Variants in XIRP2 observed in about 807,000 individuals in gnomAD.
XIRP2 encodes xin actin binding repeat containing 2.
Under a neutral mutation model 277.0 loss-of-function variants are expected in XIRP2, and 236 were observed. The observed-to-expected ratio is 0.85, with a 90% CI of 0.77 to 0.95. XIRP2 has a LOEUF of 0.95. Ranked by LOEUF, XIRP2 falls within the 40% of genes least tolerant of loss-of-function variation. The pLI, the probability that XIRP2 is intolerant of heterozygous loss-of-function variation, is 0.00. For missense variants in XIRP2, 4,640 were observed against 4,157.5 expected (o/e 1.12, Z -3.19); for synonymous variants, 1,490 against 1,416.5 (o/e 1.05, Z -1.17).
chr2:167,086,730 C>G (rs566382346), intron 2 of XIRP2, among the ~76,000 whole-genome samples: 500 of 151,442 alleles, frequency 3.3e-3, no homozygotes, highest in African/African-American at 0.011. Context: ...CCCAGTTGAT[C>G]GCATCAGCTC....
chr2:167,087,122 G>A (rs912962869), intron 2 of XIRP2, among the ~76,000 whole-genome samples: 1 of 152,018 alleles, frequency 6.6e-6, no homozygotes, highest in African/African-American at 2.4e-5. Flanking sequence ...TGGGTTTTTG[G>A]TGTGGATGTC....
chr2:167,158,796 G>T (rs1467835367), intron 3 of XIRP2, among the ~76,000 whole-genome samples: 1 of 152,158 alleles, frequency 6.6e-6, no homozygotes, highest in Non-Finnish European at 1.5e-5. Flanking sequence ...TTATCAGTAA[G>T]ATTCCAATCT....
chr2:167,233,425 G>A (rs1050141261), intron 5 of XIRP2, among the ~76,000 whole-genome samples: 4 of 151,906 alleles, frequency 2.6e-5, no homozygotes, highest in Non-Finnish European at 5.9e-5. Flanking sequence ...TTGATACAAA[G>A]CAGGTTAAGG....
chr2:167,143,416 A>G (rs16853035), intron 3 of XIRP2, among the ~76,000 whole-genome samples: 15,632 of 152,176 alleles, frequency 0.1, 883 homozygotes, highest in South Asian at 0.15. Flanking sequence ...GAAAGAACGC[A>G]TGTGTGAGAA....
At chr2:167,144,751 A>G (rs1464203021) in intron 3 of XIRP2, among the ~76,000 whole-genome samples, 1 of 152,116 alleles carries the variant, frequency 6.6e-6, no homozygotes, top group Non-Finnish European at 1.5e-5. Context: ...CATCCCTAAT[A>G]ATGACATATT....
At position 167,248,227 on chromosome 2, in the gene XIRP2, G is replaced by A; in HGVS notation, c.6835G>A (p.Glu2279Lys). ...CTTGAATCCAATCAACTTTAACCCT[G>A]AGAATAATGTAAAAGAAAGTGAGTG... The part of the protein sequence containing the change: ...RSLNPINFNP[E>K]NNVKESECPL... The change falls in exon 9 of 11, where the codon GAG becomes AAG. Residue 2279 changes from glutamate to lysine, a missense_variant. Physicochemically the swap from Glu to Lys is moderately conservative, Grantham distance 56. Coordinates refer to ENST00000409195, the MANE Select transcript of XIRP2 (RefSeq NM_152381.6). 2.5e-6 allele frequency: 4 copies of A among 1,613,620 alleles called. No individual in the cohort carries two copies. The highest frequency in any genetic ancestry group is 3.4e-6 in the Non-Finnish European group (4 of 1,179,732).
At chr2:166,996,349 G>T (rs1050812775) in intron 2 of XIRP2, among the ~76,000 whole-genome samples, 1 of 152,226 alleles carries the variant, frequency 6.6e-6, no homozygotes, top group African/African-American at 2.4e-5. Flanking sequence ...TGTCTAGTTG[G>T]GCTGGGCACA....
Position 167,244,134 on chromosome 2 carries a change from G to T in XIRP2, c.2742G>T (p.Trp914Cys). 6.2e-7 allele frequency: 1 copy of T among 1,613,962 alleles called. No individual in the cohort carries two copies. The highest frequency in any genetic ancestry group is 8.5e-7 in the Non-Finnish European group (1 of 1,179,910). ...AAGGGGATGTTAGGCATCAAAAATG[G>T]ATTTTTGAAACCCAACCTCTGGAAG... ...EEKGDVRHQK[W>C]IFETQPLEDI... The change falls in exon 9 of 11, where the codon TGG (tryptophan) becomes TGT (cysteine). Residue 914 changes from tryptophan to cysteine, a missense_variant. Physicochemically the swap from Trp to Cys is radical, Grantham distance 215. Transcript: ENST00000409195.
chr2:166,907,802 C>A (rs1389079056), intron 2 of XIRP2, among the ~76,000 whole-genome samples: 1 of 122,852 alleles, frequency 8.1e-6, no homozygotes, highest in Non-Finnish European at 1.6e-5. Context: ...GTGTGATGTT[C>A]CCCTTCCTGT....
chr2:167,217,905 A>G (rs1694304298), intron 4 of XIRP2, among the ~76,000 whole-genome samples: 1 of 152,164 alleles, frequency 6.6e-6, no homozygotes, highest in Non-Finnish European at 1.5e-5. Flanking sequence ...AGACATCAAA[A>G]TTTATCTGAG....
rs989849640 is a variant in XIRP2 at position 167,245,404 on chromosome 2, A to T, written c.4012A>T (p.Lys1338Ter). ...GTCCTATCATGAAGTGACCACAGTT[A>T]AAAAAGAAGAGGTAATTCATGGAGA... Reference protein sequence around the residue: ...EGSYHEVTTVKKEEVIHGDVR... With the variant: ...EGSYHEVTTV The change falls in exon 9 of 11, where the codon AAA (lysine) becomes TAA (stop). Residue 1338 changes from lysine (K) to a stop codon, truncating the protein, a stop_gained. Coordinates refer to ENST00000409195, the MANE Select transcript of XIRP2 (RefSeq NM_152381.6). LOFTEE classifies it high-confidence loss of function. 6.2e-7 allele frequency: 1 copy of T among 1,613,636 alleles called. No individual in the cohort carries two copies. The highest frequency in any genetic ancestry group is 8.5e-7 in the Non-Finnish European group (1 of 1,179,760).
chr2:167,237,339 C>T (rs2105425315), intron 5 of XIRP2, among the ~76,000 whole-genome samples: 1 of 152,196 alleles, frequency 6.6e-6, no homozygotes, highest in Non-Finnish European at 1.5e-5. Context: ...GCATTTTTCT[C>T]AACACAGAGA....
At chr2:167,087,007 A>T (rs1364962979) in intron 2 of XIRP2, among the ~76,000 whole-genome samples, 2 of 151,596 alleles carry the variant, frequency 1.3e-5, no homozygotes, top group African/African-American at 4.8e-5. Flanking sequence ...CCTTTGGAGG[A>T]GGAGAGGCGC....
At chr2:167,239,766 T>C (rs570254170) in intron 5 of XIRP2, 89 bp from the exon 6 acceptor site, 2 of 1,113,586 alleles carry the variant, frequency 1.8e-6, no homozygotes, top group African/African-American at 1.6e-5. Context: ...TCATTTTTTT[T>C]CAGAAATTGT....
At chr2:167,024,762 A>C (rs879149935) in intron 2 of XIRP2, among the ~76,000 whole-genome samples, 2 of 151,974 alleles carry the variant, frequency 1.3e-5, no homozygotes, top group Admixed American at 6.6e-5. Flanking sequence ...ACATTTACTG[A>C]TTTGCGTATG....
rs79669809 is a variant in XIRP2, at chr2:166,946,569, G to A, written c.408+42679G>A. ...TATTGGGAATTAGAAAAGTGACATG[G>A]TGTATGCATCATTTTACTCAAAGAT... On this transcript the variant is annotated intron_variant, in intron 2 of 10. Coordinates refer to ENST00000409195, the MANE Select transcript of XIRP2 (RefSeq NM_152381.6). Among the ~76,000 whole-genome samples, 28 of 152,240 alleles carry A rather than the reference G, an allele frequency of 1.8e-4. No homozygotes were observed. In the East Asian group the frequency reaches 5.4e-3, roughly 29 times the overall value.
intron 3 of XIRP2, among the ~76,000 whole-genome samples, chr2:167,194,042 T>TATAAATTTTCATTGTTGATAC (rs1693428762): frequency 6.6e-6 from 1 of 151,994 alleles, no homozygotes; most frequent in Non-Finnish European, 1.5e-5. Flanking sequence ...GGGGTTGATA[T>TATAAATTTTCATTGTTGATAC]ATAAATTTTC....
intron 2 of XIRP2, among the ~76,000 whole-genome samples, chr2:166,986,195 C>A (rs1488086965): frequency 6.6e-6 from 1 of 152,154 alleles, no homozygotes; most frequent in African/African-American, 2.4e-5. Context: ...TAGAGGATGG[C>A]TTTGGAATTC....
chr2:167,224,292 G>A (rs1474495695), intron 5 of XIRP2, among the ~76,000 whole-genome samples: 1 of 152,048 alleles, frequency 6.6e-6, no homozygotes, highest in Non-Finnish European at 1.5e-5. Flanking sequence ...GTAGTGCAGT[G>A]GTGTGATCTC....
Sources: gnomAD v4.1 joint callset for allele counts (sites outside exome capture counted in the v4.1 genomes callset) on GRCh38, gnomAD v4.1.1 for gene constraint, MANE v1.5 for transcripts, NCBI Gene and HGNC (gene_info 2026-07-23, HGNC 2026-07-21) for gene names.